CTU1: variants seen among roughly 807,000 people sequenced by gnomAD.
CTU1 encodes the protein cytosolic thiouridylase subunit 1.
CTU1 carries 15 observed loss-of-function variants against 12.9 expected under a neutral mutation model. The observed-to-expected ratio is 1.16, with a 90% CI of 0.78 to 1.79. The LOEUF is 1.79. Among genes scored for constraint, CTU1 ranks in the 40% most tolerant of loss-of-function variants. CTU1 has a pLI of 0.00. For missense variants in CTU1, 553 were observed against 550.5 expected, an observed-to-expected ratio of 1.00 and a Z score of -0.05; for synonymous variants, 295 against 275.6, an observed-to-expected ratio of 1.07 and a Z score of -0.70.
chr19:51,102,008 T>C (rs906049348), intron 2 of CTU1, among the ~76,000 whole-genome samples: 4 of 152,084 alleles, frequency 2.6e-5, no homozygotes, highest in Non-Finnish European at 5.9e-5. Context: ...CTCTCATTCT[T>C]TTTTTTTCTC....
rs939361549 is a variant in CTU1 at position 51,098,684 on chromosome 19, G to C, written c.964C>G (p.Arg322Gly). The change falls in exon 3 of 3, where the codon CGG becomes GGG. Residue 322 changes from arginine (R) to glycine (G), a missense_variant. Arg to Gly is a moderately radical substitution (Grantham distance 125). Transcript: ENST00000421832. The surrounding 1 kb of genome is among the most constrained non-coding windows in gnomAD (Gnocchi z 4.3). ...GGCGTCGCCTCCTCGTCCAGACCCC[G>C]GCGGCCCTTGCCGATGGCCAGGCGG... The part of the protein sequence containing the change: ...RPRLAIGKGR[R>G]GLDEEATPGT... 5.4e-6 allele frequency: 7 copies of C among 1,294,696 alleles called. No individual in the cohort carries two copies. In the Admixed American group the frequency reaches 1.2e-4, roughly 23 times the overall value. 80.2% of individuals were successfully genotyped at this position (1,294,696 alleles called of 1,614,324 possible). A position where few individuals can be genotyped will look rare whatever the true frequency, so the allele number is the denominator to read the frequency against.
chr19:51,102,904 A>G (rs2091910626), intron 2 of CTU1, among the ~76,000 whole-genome samples: 1 of 152,236 alleles, frequency 6.6e-6, no homozygotes, highest in South Asian at 2.1e-4. Flanking sequence ...TCCACGTCAT[A>G]GGGTTCTCTG....
rs2091893561 is a variant in CTU1 at position 51,097,695 on chromosome 19, C to CT, written c.*905_*906insA. The CT allele has an allele frequency of 1.0e-4, 1 of 9,814 alleles. No homozygotes were observed. The highest frequency in any genetic ancestry group is 3.4e-4 in the African/African-American group (1 of 2,954). 0.6% of individuals were successfully genotyped at this position (9,814 alleles called of 1,614,324 possible). A position where few individuals can be genotyped will look rare whatever the true frequency, so the allele number is the denominator to read the frequency against. On this transcript the variant is annotated 3_prime_UTR_variant, in exon 3 of 3. Transcript: ENST00000421832. Reference sequence around the variant, plus strand: ...CCTTGATGCGGGGGGGATGGGGGGGCGGGGGGGAAGGGGGCTGATTATATT... The same window carrying CT: ...CCTTGATGCGGGGGGGATGGGGGGGCTGGGGGGGAAGGGGGCTGATTATATT...
At chr19:51,103,967 A>T in intron 2 of CTU1, 95 bp downstream of exon 2, 1 of 1,247,768 alleles carries the variant, frequency 8.0e-7, no homozygotes. Flanking sequence ...CTTCTGGAGC[A>T]TGCGCCTGAA....
intron 1 of CTU1, among the ~76,000 whole-genome samples, chr19:51,106,011 AG>A (rs1175704029): frequency 6.6e-6 from 1 of 152,238 alleles, no homozygotes; most frequent in Non-Finnish European, 1.5e-5. Context: ...GGCTCCCCAC[AG>A]GTCTCCTGCT....
intron 2 of CTU1, among the ~76,000 whole-genome samples, chr19:51,101,242 T>C (rs539368900): frequency 6.6e-6 from 1 of 152,192 alleles, no homozygotes; most frequent in Non-Finnish European, 1.5e-5. Flanking sequence ...TCACCACCCC[T>C]GTAATCACTG....
intron 1 of CTU1, among the ~76,000 whole-genome samples, chr19:51,107,644 G>A (rs1285091839): frequency 1.3e-5 from 2 of 152,168 alleles, no homozygotes; most frequent in Non-Finnish European, 2.9e-5. Flanking sequence ...AAGACTGATT[G>A]GAGTGGGGAC....
At chr19:51,104,701 C>G in intron 1 of CTU1, 111 bp from the exon 2 acceptor site, 1 of 858,268 alleles carries the variant, frequency 1.2e-6, no homozygotes, top group Non-Finnish European at 1.5e-6. Flanking sequence ...ACCAGGGAGA[C>G]GTGTGCGCGA....
chr19:51,102,009 T>A (rs2091908115), intron 2 of CTU1, among the ~76,000 whole-genome samples: 2 of 152,296 alleles, frequency 1.3e-5, no homozygotes, highest in East Asian at 1.9e-4. Flanking sequence ...TCTCATTCTT[T>A]TTTTTTCTCC....
rs746294063 is a variant in CTU1, at chr19:51,098,956, T to C, written c.692A>G (p.Asp231Gly). 8.4e-6 allele frequency: 13 copies of C among 1,544,300 alleles called. No homozygotes were observed. The highest frequency in any genetic ancestry group is 1.1e-5 in the Non-Finnish European group (13 of 1,151,068). The change falls in exon 3 of 3, where the codon GAC (aspartate) becomes GGC (glycine). Residue 231 changes from aspartate (D) to glycine (G), a missense_variant. Asp to Gly is a moderately conservative substitution (Grantham distance 94). Coordinates refer to ENST00000421832, the MANE Select transcript of CTU1 (RefSeq NM_145232.4). The surrounding 1 kb of genome is among the most constrained non-coding windows in gnomAD (Gnocchi z 4.3). The part of the protein sequence containing the change: ...VVLYAHFRRL[D>G]YFSEECVYAP... Reference sequence around the variant, plus strand: ...GTAGACGCACTCCTCGGAGAAGTAGTCGAGGCGGCGGAAGTGCGCGTACAG... The same window carrying C: ...GTAGACGCACTCCTCGGAGAAGTAGCCGAGGCGGCGGAAGTGCGCGTACAG...
chr19:51,098,956 T>A lies in CTU1; in HGVS notation c.692A>T (p.Asp231Val). The change falls in exon 3 of 3, where the codon GAC (aspartate) becomes GTC (valine). Residue 231 changes from aspartate to valine, a missense_variant. Around this residue, in one of 2 missense-constraint regions of CTU1, gnomAD observed 500 missense variants for 458.5 expected, o/e 1.09. Transcript: ENST00000421832. This position sits in a 1 kb window ranked among gnomAD's most constrained non-coding sequence, Gnocchi z 4.3. The stretch of plus-strand genomic sequence containing the variant: ...GTAGACGCACTCCTCGGAGAAGTAG[T>A]CGAGGCGGCGGAAGTGCGCGTACAG... Reference protein sequence around the residue: ...VVLYAHFRRLDYFSEECVYAP... With the variant: ...VVLYAHFRRLVYFSEECVYAP... 1 of 1,544,300 alleles carries A rather than the reference T, an allele frequency of 6.5e-7. No individual in the cohort carries two copies. The highest frequency in any genetic ancestry group is 8.7e-7 in the Non-Finnish European group (1 of 1,151,068).
At position 51,098,594 on chromosome 19, in the gene CTU1, G is replaced by A. The variant is rs1199493937; in HGVS notation, c.*7C>T. 5 of 1,277,128 alleles carry A rather than the reference G, an allele frequency of 3.9e-6. No individual in the cohort carries two copies. The highest frequency in any genetic ancestry group is 2.0e-4 in the Middle Eastern group (1 of 4,906). 79.1% of individuals were successfully genotyped at this position (1,277,128 alleles called of 1,614,324 possible). On this transcript the variant is annotated 3_prime_UTR_variant, in exon 3 of 3. Transcript: ENST00000421832. The surrounding 1 kb of genome is among the most constrained non-coding windows in gnomAD (Gnocchi z 4.3). ...GGCATCAGATCCCGGCGGGAGGCCC[G>A]AAGTCGCTAGAAGGTGGGGACGGCC...
intron 2 of CTU1, among the ~76,000 whole-genome samples, chr19:51,102,351 T>C (rs2122793602): frequency 6.6e-6 from 1 of 152,254 alleles, no homozygotes; most frequent in South Asian, 2.1e-4. Flanking sequence ...ATGGTAAGGA[T>C]TATTCTTCCC....
chr19:51,107,669 G>C (rs8106040), intron 1 of CTU1, among the ~76,000 whole-genome samples: 1 of 152,178 alleles, frequency 6.6e-6, no homozygotes, highest in Non-Finnish European at 1.5e-5. Context: ...GCAACGACGA[G>C]AGAAAGTGAT....
intron 2 of CTU1, 29 bp from the exon 3 acceptor site, chr19:51,099,168 G>T: frequency 6.4e-7 from 1 of 1,554,218 alleles, no homozygotes; most frequent in Non-Finnish European, 8.6e-7. Flanking sequence ...AGCGGGTGAG[G>T]TGGGGCGCGG....
chr19:51,104,824 G>A (rs1216218892), intron 1 of CTU1, among the ~76,000 whole-genome samples: 2 of 152,194 alleles, frequency 1.3e-5, no homozygotes, highest in Admixed American at 6.5e-5. Flanking sequence ...GCAAGAAGAA[G>A]AGAAGTAGCT....
In CTU1 at chr19:51,098,958, G is replaced by C. The variant is rs747022383; in HGVS notation, c.690C>G (p.Leu230=). ...EVVLYAHFRR[L]DYFSEECVYA... Reference sequence around the variant, plus strand: ...AGACGCACTCCTCGGAGAAGTAGTCGAGGCGGCGGAAGTGCGCGTACAGCA... The same window carrying C: ...AGACGCACTCCTCGGAGAAGTAGTCCAGGCGGCGGAAGTGCGCGTACAGCA... Residue 230 remains leucine (L), a synonymous_variant, in exon 3 of 3, where the codon CTC becomes CTG. Coordinates refer to ENST00000421832, the MANE Select transcript of CTU1 (RefSeq NM_145232.4). The surrounding 1 kb of genome is among the most constrained non-coding windows in gnomAD (Gnocchi z 4.3). 1.1e-4 allele frequency: 173 copies of C among 1,543,730 alleles called. No homozygotes were observed. Among genetic ancestry groups the C allele is most frequent in the Middle Eastern group, 1.8e-4 (1 of 5,668 alleles).
At position 51,104,312 on chromosome 19, in the gene CTU1, G is replaced by A; in HGVS notation, c.258C>T (p.Ala86=). 1 of 1,490,830 alleles carries A rather than the reference G, an allele frequency of 6.7e-7. No individual in the cohort carries two copies. The highest frequency in any genetic ancestry group is 8.9e-7 in the Non-Finnish European group (1 of 1,124,938). The allele number at this position is 1,490,830 out of a possible 1,614,324, so 92.4% of individuals were successfully genotyped here. A position where few individuals can be genotyped will look rare whatever the true frequency, so the allele number is the denominator to read the frequency against. The part of the protein sequence containing the change: ...PRLGISLQLV[A]VDEGIGGYRD... Reference sequence around the variant, plus strand: ...GGTAGCCACCGATGCCCTCATCGACGGCCACGAGCTGCAGTGAGATGCCCA... The same window carrying A: ...GGTAGCCACCGATGCCCTCATCGACAGCCACGAGCTGCAGTGAGATGCCCA... The change falls in exon 2 of 3, where the codon GCC becomes GCT. Residue 86 remains alanine (A), a synonymous_variant. Transcript: ENST00000421832.
chr19:51,103,953 C>T (rs2091913015), intron 2 of CTU1, 109 bp downstream of exon 2: 4 of 1,176,626 alleles, frequency 3.4e-6, no homozygotes, highest in Non-Finnish European at 4.4e-6. Flanking sequence ...GGTCTCCTCG[C>T]CGCCTTCTGG....
Sources: gnomAD v4.1 joint callset for allele counts (sites outside exome capture counted in the v4.1 genomes callset) on GRCh38, gnomAD v4.1.1 for gene constraint, gnomAD v4.1.1 regional missense constraint, Gnocchi (gnomAD v3.1) non-coding constraint, MANE v1.5 for transcripts, NCBI Gene and HGNC (gene_info 2026-07-23, HGNC 2026-07-21) for gene names.